The following UNC13C variants were observed in gnomAD, a reference collection of about 807,000 sequenced individuals.
UNC13C encodes unc-13 homolog C, also known as protein unc-13 homolog C.
In UNC13C, 174 loss-of-function variants were observed where a neutral mutation model predicts 245.4. That is an observed-to-expected ratio of 0.71 (90% CI 0.63 to 0.80). The LOEUF (loss-of-function observed/expected upper bound fraction) is 0.80, where lower values mean the gene tolerates loss of function less well. UNC13C is among the 30% of genes least tolerant of loss of function. The pLI is 0.00. For synonymous variants in UNC13C, 992 were observed against 895.1 expected, an observed-to-expected ratio of 1.11 and a Z score of -1.93; for missense variants, 2,829 against 2,602.9, an observed-to-expected ratio of 1.09 and a Z score of -1.89.
At chr15:54,224,998 C>G (rs1313120553) in intron 4 of UNC13C, among the ~76,000 whole-genome samples, 2 of 148,808 alleles carry the variant, frequency 1.3e-5, no homozygotes, top group African/African-American at 4.9e-5. Context: ...CAATATTTCC[C>G]TTTTCACCTC....
intron 19 of UNC13C, among the ~76,000 whole-genome samples, chr15:54,475,161 A>G (rs1378338611): frequency 6.6e-6 from 1 of 151,906 alleles, no homozygotes; most frequent in African/African-American, 2.4e-5. Flanking sequence ...CTTAGCCATA[A>G]AATAGTTGCC....
chr15:54,407,974 G>A (rs1253374547), intron 18 of UNC13C, among the ~76,000 whole-genome samples: 2 of 151,810 alleles, frequency 1.3e-5, no homozygotes, highest in Non-Finnish European at 2.9e-5. Flanking sequence ...GGCCAAGGTG[G>A]GCAGATCATG....
intron 29 of UNC13C, 120 bp from the exon 30 acceptor site, chr15:54,567,680 T>A (rs1266923256): frequency 2.1e-6 from 2 of 932,544 alleles, no homozygotes; most frequent in African/African-American, 1.7e-5. Context: ...TGGAACCATT[T>A]TTTTGTATCT....
intron 22 of UNC13C, among the ~76,000 whole-genome samples, chr15:54,501,885 T>A (rs1050970694): frequency 6.6e-6 from 1 of 152,104 alleles, no homozygotes; most frequent in Non-Finnish European, 1.5e-5. Flanking sequence ...GAAACAACCC[T>A]TGTGGGGAGA....
intron 19 of UNC13C, among the ~76,000 whole-genome samples, chr15:54,468,203 T>G (rs1197844597): frequency 6.6e-6 from 1 of 151,716 alleles, no homozygotes; most frequent in Non-Finnish European, 1.5e-5. Flanking sequence ...TTTGCATTTA[T>G]CTGACATTGA....
At chr15:54,129,161 A>G (rs2031252537) in intron 2 of UNC13C, among the ~76,000 whole-genome samples, 1 of 152,120 alleles carries the variant, frequency 6.6e-6, no homozygotes, top group Non-Finnish European at 1.5e-5. Flanking sequence ...GAGTAGGTCT[A>G]TTTTTCCTGG....
chr15:54,177,355 T>A (rs1326691432), intron 4 of UNC13C, among the ~76,000 whole-genome samples: 1 of 152,176 alleles, frequency 6.6e-6, no homozygotes, highest in Non-Finnish European at 1.5e-5. Context: ...GTTAAGACTA[T>A]TTTTTAAACA....
chr15:54,314,284 C>T (rs540779672), intron 13 of UNC13C, among the ~76,000 whole-genome samples: 13 of 151,558 alleles, frequency 8.6e-5, no homozygotes, highest in African/African-American at 2.9e-4. Flanking sequence ...AAGAGCAAAG[C>T]GAATAGATTT....
intron 18 of UNC13C, among the ~76,000 whole-genome samples, chr15:54,413,570 A>G (rs1201344115): frequency 6.6e-6 from 1 of 152,156 alleles, no homozygotes; most frequent in Non-Finnish European, 1.5e-5. Flanking sequence ...AATTTTTTAG[A>G]AAAGTTCTGA....
chr15:53,965,345 T>A, the UNC13C span, among the ~76,000 whole-genome samples: 1 of 152,074 alleles, frequency 6.6e-6, no homozygotes, highest in African/African-American at 2.4e-5. Context: ...CCTTAAACAT[T>A]TGAACTCTTT....
chr15:54,272,356 T>A (rs988544101), intron 10 of UNC13C, among the ~76,000 whole-genome samples: 46 of 152,200 alleles, frequency 3.0e-4, no homozygotes, highest in Non-Finnish European at 5.4e-4. Flanking sequence ...ATTTATTTAA[T>A]ACCATATTTA....
At chr15:54,397,392 C>T (rs1340187013) in intron 18 of UNC13C, among the ~76,000 whole-genome samples, 3 of 151,354 alleles carry the variant, frequency 2.0e-5, no homozygotes, top group Non-Finnish European at 4.4e-5. Flanking sequence ...TCTATATAGC[C>T]GTAATTACAC....
At chr15:54,262,173 A>C (rs909870219) in intron 8 of UNC13C, among the ~76,000 whole-genome samples, 63 of 152,202 alleles carry the variant, frequency 4.1e-4, no homozygotes, top group African/African-American at 1.5e-3. Flanking sequence ...TATTGTGTGC[A>C]TGGTAGTTAG....
chr15:54,458,455 A>G (rs1156565884), intron 19 of UNC13C, among the ~76,000 whole-genome samples: 2 of 151,978 alleles, frequency 1.3e-5, no homozygotes, highest in Non-Finnish European at 2.9e-5. Flanking sequence ...TTTTGGTCTT[A>G]ATGACCTGCC....
intron 10 of UNC13C, 136 bp from the exon 11 acceptor site, chr15:54,293,759 A>G (rs2037361318): frequency 1.7e-6 from 1 of 598,604 alleles, no homozygotes; most frequent in South Asian, 6.0e-5. Flanking sequence ...CATCCCATGG[A>G]TAGATGAAAT....
At chr15:54,019,647 G>C (rs1895809177) in intron 2 of UNC13C, among the ~76,000 whole-genome samples, 1 of 152,162 alleles carries the variant, frequency 6.6e-6, no homozygotes, top group Non-Finnish European at 1.5e-5. Flanking sequence ...TGTGATATCG[G>C]AAATTAGCAT....
At chr15:54,457,612 A>T (rs1441626407) in intron 19 of UNC13C, among the ~76,000 whole-genome samples, 1 of 152,002 alleles carries the variant, frequency 6.6e-6, no homozygotes, top group African/African-American at 2.4e-5. Context: ...GGAGGCTTGC[A>T]TCTTTCCAGG....
At chr15:53,912,802 A>AG in the UNC13C span, 5 of 152,382 alleles carry the variant, frequency 3.3e-5, no homozygotes, top group African/African-American at 1.2e-4. Context: ...AAGAAGTTAG[A>AG]GGAGGTGCAC....
chr15:54,102,714 T>C (rs1900226171), intron 2 of UNC13C, among the ~76,000 whole-genome samples: 3 of 152,258 alleles, frequency 2.0e-5, no homozygotes, highest in African/African-American at 4.8e-5. Flanking sequence ...CTAGTGTTGA[T>C]GAAATGCTGT....
Sources: gnomAD v4.1 joint callset for allele counts (sites outside exome capture counted in the v4.1 genomes callset) on GRCh38, gnomAD v4.1.1 for gene constraint, MANE v1.5 for transcripts, NCBI Gene and HGNC (gene_info 2026-07-23, HGNC 2026-07-21) for gene names.